Variants in SLCO3A1 observed in about 807,000 individuals in gnomAD.
SLCO3A1 encodes solute carrier organic anion transporter family member 3A1, also known as PGE1 transporter.
SLCO3A1 carries 27 observed loss-of-function variants against 63.1 expected under a neutral mutation model. The observed-to-expected ratio is 0.43, with a 90% CI of 0.32 to 0.59. The LOEUF is 0.59. Among genes scored for constraint, SLCO3A1 ranks in the 20% least tolerant of loss-of-function variants. SLCO3A1 has a pLI of 0.09. For missense variants in SLCO3A1, 773 were observed against 945.8 expected (o/e 0.82, Z 2.40); for synonymous variants, 473 against 409.9 (o/e 1.15, Z -1.86).
intron 1 of SLCO3A1, among the ~76,000 whole-genome samples, chr15:91,881,074 T>C (rs1897571272): frequency 6.6e-6 from 1 of 152,194 alleles, no homozygotes; most frequent in Non-Finnish European, 1.5e-5. Flanking sequence ...TGCATTCATG[T>C]ATCTGCATTT....
intron 3 of SLCO3A1, among the ~76,000 whole-genome samples, chr15:92,097,774 C>A (rs996850865): frequency 6.6e-6 from 1 of 152,144 alleles, no homozygotes; most frequent in African/African-American, 2.4e-5. Context: ...CGGTAGAGGG[C>A]AGAAGAATAT....
chr15:92,141,748 C>G (rs2048135003), intron 7 of SLCO3A1, among the ~76,000 whole-genome samples: 1 of 152,236 alleles, frequency 6.6e-6, no homozygotes, highest in Non-Finnish European at 1.5e-5. Context: ...ACTCGGACAT[C>G]TGAGTGGAAG....
intron 1 of SLCO3A1, among the ~76,000 whole-genome samples, chr15:91,906,836 G>T (rs1193600675): frequency 6.6e-6 from 1 of 152,146 alleles, no homozygotes; most frequent in Non-Finnish European, 1.5e-5. Flanking sequence ...ACCCAGGAGG[G>T]ATGGAGAGTC....
intron 2 of SLCO3A1, among the ~76,000 whole-genome samples, chr15:92,024,689 T>C (rs539498236): frequency 6.6e-6 from 1 of 152,238 alleles, no homozygotes; most frequent in South Asian, 2.1e-4. Flanking sequence ...ATTTAACATC[T>C]ACACAAAGCA....
intron 8 of SLCO3A1, 88 bp downstream of exon 8, chr15:92,147,247 G>A (rs1321264464): frequency 7.5e-7 from 1 of 1,337,296 alleles, no homozygotes; most frequent in East Asian, 2.3e-5. Flanking sequence ...CAGACAACAG[G>A]AATCTCTCGA....
chr15:91,873,129 C>T (rs767105807), intron 1 of SLCO3A1, among the ~76,000 whole-genome samples: 57 of 152,152 alleles, frequency 3.7e-4, no homozygotes, highest in Non-Finnish European at 5.3e-4. Flanking sequence ...GTTCAACAAG[C>T]GATCATTTTT....
intron 2 of SLCO3A1, among the ~76,000 whole-genome samples, chr15:92,049,810 G>C (rs561464558): frequency 1.3e-5 from 2 of 152,286 alleles, no homozygotes; most frequent in South Asian, 2.1e-4. Context: ...AATAGTCATG[G>C]AATTGTTTAA....
chr15:92,110,207 C>G lies in SLCO3A1; in HGVS notation c.1009+5665C>G, dbSNP rs530833065. ...CTCCCCTCCCCTCCAGCAATGCAGT[C>G]CATCCTGGAGTTCAGCTGATTTTGC... On this transcript the variant is annotated intron_variant, in intron 4 of 9. Transcript: ENST00000318445. Among the ~76,000 whole-genome samples the G allele has an allele frequency of 7.1e-4, 108 of 152,246 alleles. 1 individual carries two copies. The highest frequency in any genetic ancestry group is 2.5e-3 in the African/African-American group (103 of 41,530).
intron 1 of SLCO3A1, among the ~76,000 whole-genome samples, chr15:91,880,410 T>TGTGTGTGC (rs1401248544): frequency 2.7e-5 from 4 of 149,622 alleles, no homozygotes; most frequent in Admixed American, 2.7e-4. Flanking sequence ...TCTCTCTCTC[T>TGTGTGTGC]GTGTGTGTGT....
At chr15:92,135,310 T>C (rs1358632090) in intron 7 of SLCO3A1, among the ~76,000 whole-genome samples, 1 of 152,038 alleles carries the variant, frequency 6.6e-6, no homozygotes, top group Non-Finnish European at 1.5e-5. Context: ...ACCCCCTTCC[T>C]CCCCTCAGCA....
In SLCO3A1 at chr15:92,033,791, G is replaced by T. The variant is rs966061055; in HGVS notation, c.647-61090G>T. 2.0e-5 allele frequency among the ~76,000 whole-genome samples: 3 copies of T among 152,168 alleles called. No individual in the cohort carries two copies. Among genetic ancestry groups the T allele is most frequent in the Non-Finnish European group, 4.4e-5 (3 of 68,038 alleles). On this transcript the variant is annotated intron_variant, in intron 2 of 9. Coordinates refer to ENST00000318445, the MANE Select transcript of SLCO3A1 (RefSeq NM_013272.4). This position sits in a 1 kb window ranked among gnomAD's most constrained non-coding sequence, Gnocchi z 4.5. ...TGTCAGAGGGGCAGGTCTCACTGAG[G>T]TTTTGGCATGTGTGTAAAGACATCA...
intron 2 of SLCO3A1, among the ~76,000 whole-genome samples, chr15:92,072,066 G>A (rs150870473): frequency 4.6e-5 from 7 of 152,338 alleles, no homozygotes; most frequent in African/African-American, 1.4e-4. Context: ...TGCACTGTGC[G>A]TTTTCCCTCC....
chr15:92,164,576 A>G lies in SLCO3A1; in HGVS notation c.*1441A>G, dbSNP rs938288286. The G allele has an allele frequency of 9.2e-6, 9 of 981,826 alleles. No individual in the cohort carries two copies. Among genetic ancestry groups the G allele is most frequent in the Non-Finnish European group, 1.1e-5 (9 of 829,298 alleles). The allele number at this position is 981,826 out of a possible 1,614,324, so 60.8% of individuals were successfully genotyped here. A position where few individuals can be genotyped will look rare whatever the true frequency, so the allele number is the denominator to read the frequency against. ...ACACTTCCGGGGATAGGAAAGAAGA[A>G]CAGTTCCCTAACACAAGCTGTTAAG... On this transcript the variant is annotated 3_prime_UTR_variant, in exon 10 of 10. Transcript: ENST00000318445.
chr15:92,077,168 C>T (rs2047287437), intron 2 of SLCO3A1, among the ~76,000 whole-genome samples: 1 of 152,160 alleles, frequency 6.6e-6, no homozygotes, highest in Non-Finnish European at 1.5e-5. Context: ...TATTCAGTTA[C>T]CTCCCATGGG....
rs113402558 is a variant in SLCO3A1, at chr15:91,858,266, C to T, written c.180+4178C>T. 2.0e-3 allele frequency among the ~76,000 whole-genome samples: 299 copies of T among 152,138 alleles called. 2 individuals carry two copies. The highest frequency in any genetic ancestry group is 6.9e-3 in the African/African-American group (286 of 41,490). ...AAATTACTATGATGACTAAGGTAAC[C>T]GTATTTTATTTAATCAAATTATTTT... On this transcript the variant is annotated intron_variant, in intron 1 of 9. Coordinates refer to ENST00000318445, the MANE Select transcript of SLCO3A1 (RefSeq NM_013272.4).
chr15:92,079,868 G>A (rs867299707), intron 2 of SLCO3A1, among the ~76,000 whole-genome samples: 4 of 152,344 alleles, frequency 2.6e-5, no homozygotes, highest in Middle Eastern at 3.4e-3. Context: ...GCTTGGGTGT[G>A]GACAGCAGGG....
chr15:92,009,226 G>T (rs1426208323), intron 2 of SLCO3A1, among the ~76,000 whole-genome samples: 1 of 152,154 alleles, frequency 6.6e-6, no homozygotes, highest in East Asian at 1.9e-4. Context: ...CTCACCATCA[G>T]AATATTTTCT....
intron 9 of SLCO3A1, among the ~76,000 whole-genome samples, chr15:92,156,914 G>C (rs1343961251): frequency 6.6e-6 from 1 of 152,128 alleles, no homozygotes; most frequent in African/African-American, 2.4e-5. Flanking sequence ...TTTAGACCAA[G>C]GAATATAAAT....
chr15:92,150,070 C>T (rs964604307), intron 8 of SLCO3A1, among the ~76,000 whole-genome samples: 3 of 152,160 alleles, frequency 2.0e-5, no homozygotes, highest in South Asian at 2.1e-4. Flanking sequence ...ACGTCCCCAT[C>T]GCTCAATGAA....
Sources: allele counts gnomAD v4.1 joint callset (sites outside exome capture counted in the v4.1 genomes callset), GRCh38; gene constraint gnomAD v4.1.1; non-coding constraint Gnocchi (gnomAD v3.1); transcripts MANE v1.5; gene names NCBI Gene and HGNC (gene_info 2026-07-23, HGNC 2026-07-21).